OR1D2: variants seen among roughly 807,000 people sequenced by gnomAD.
OR1D2 encodes olfactory receptor 1D2.
For synonymous variants in OR1D2, 157 were observed against 153.9 expected (o/e 1.02, Z -0.15); for missense variants, 357 against 376.1 (o/e 0.95, Z 0.42).
intron 1 of OR1D2, among the ~76,000 whole-genome samples, chr17:3,099,440 A>G (rs960258696): frequency 1.3e-5 from 2 of 152,188 alleles, no homozygotes; most frequent in African/African-American, 4.8e-5. Flanking sequence ...TTCATAAGTG[A>G]AGGAGAAATA....
Position 3,092,836 on chromosome 17 carries a change from C to T in OR1D2, c.161G>A (p.Arg54His), listed in dbSNP as rs139391156. The T allele has an allele frequency of 2.7e-5, 44 of 1,613,846 alleles. 1 individual carries two copies. The highest frequency in any genetic ancestry group is 1.7e-4 in the Admixed American group (10 of 59,980). ...LIILAISSDS[R>H]LHTPVYFFLA... ...GAAGAAGTACACGGGGGTGTGCAGG[C>T]GGGAATCAGAGCTGATGGCCAGGAT... The change falls in exon 2 of 2, where the codon CGC (arginine) becomes CAC (histidine). Residue 54 changes from arginine to histidine, a missense_variant. Physicochemically the swap from Arg to His is conservative, Grantham distance 29. Coordinates refer to ENST00000641833, the MANE Select transcript of OR1D2 (RefSeq NM_002548.3).
chr17:3,095,468 A>G (rs772798481), intron 1 of OR1D2, among the ~76,000 whole-genome samples: 8 of 152,186 alleles, frequency 5.3e-5, no homozygotes, highest in Non-Finnish European at 1.0e-4. Context: ...ACAAAAACAC[A>G]GAAAATTTTT....
At chr17:3,099,936 GCATTA>G (rs1043094620) in intron 1 of OR1D2, among the ~76,000 whole-genome samples, 56 of 152,166 alleles carry the variant, frequency 3.7e-4, no homozygotes, top group African/African-American at 1.3e-3. Context: ...AAAGGCAAGG[GCATTA>G]CATAATGGTA....
intron 1 of OR1D2, among the ~76,000 whole-genome samples, chr17:3,094,843 A>C (rs1037600233): frequency 1.3e-5 from 2 of 152,202 alleles, no homozygotes; most frequent in Non-Finnish European, 2.9e-5. Flanking sequence ...AAGAGAGCCA[A>C]ATGGAAATCC....
intron 1 of OR1D2, among the ~76,000 whole-genome samples, chr17:3,101,526 A>G (rs539750751): frequency 1.3e-5 from 2 of 152,266 alleles, no homozygotes; most frequent in South Asian, 4.1e-4. Flanking sequence ...CGTATCTCAA[A>G]ATAAGAGCTA....
intron 1 of OR1D2, among the ~76,000 whole-genome samples, chr17:3,100,875 C>T (rs2047872124): frequency 6.6e-6 from 1 of 152,116 alleles, no homozygotes. Flanking sequence ...AAACTACTAT[C>T]AGAGAATACT....
In OR1D2 at chr17:3,100,558, C is replaced by G. The variant is rs189325027; in HGVS notation, c.-51+3541G>C. Among the ~76,000 whole-genome samples, 7 of 152,128 alleles carry G rather than the reference C, an allele frequency of 4.6e-5. No individual in the cohort carries two copies. The East Asian group carries it at 1.4e-3, about 29-fold the overall frequency. On this transcript the variant is annotated intron_variant, in intron 1 of 1. Transcript: ENST00000641833. ...GAGGGAAATTTATAGCACTAAATGC[C>G]CACATCAGAAAGCTAGAAAGATCTC...
intron 1 of OR1D2, among the ~76,000 whole-genome samples, chr17:3,095,689 T>A (rs1165971991): frequency 6.6e-6 from 1 of 151,942 alleles, no homozygotes; most frequent in Non-Finnish European, 1.5e-5. Flanking sequence ...CTATTAAGTA[T>A]GACAGTATAA....
At chr17:3,094,958 C>T (rs999498880) in intron 1 of OR1D2, among the ~76,000 whole-genome samples, 5 of 151,708 alleles carry the variant, frequency 3.3e-5, no homozygotes, top group East Asian at 1.9e-4. Context: ...AGATTGATAT[C>T]AAGCTGAAAA....
chr17:3,099,376 A>G (rs905621843), intron 1 of OR1D2, among the ~76,000 whole-genome samples: 2 of 152,212 alleles, frequency 1.3e-5, no homozygotes, highest in South Asian at 2.1e-4. Context: ...AATATTCAAC[A>G]TTCTGAAAGA....
chr17:3,091,969 T>C lies in OR1D2; in HGVS notation c.*89A>G. On this transcript the variant is annotated 3_prime_UTR_variant, in exon 2 of 2. Coordinates refer to ENST00000641833, the MANE Select transcript of OR1D2 (RefSeq NM_002548.3). Reference sequence around the variant, plus strand: ...TCTCTGAGCTGGAGCCATGTCCCAATCACTGCTGTATAACACACAGGACAA... The same window carrying C: ...TCTCTGAGCTGGAGCCATGTCCCAACCACTGCTGTATAACACACAGGACAA... 5.2e-6 allele frequency: 5 copies of C among 965,598 alleles called. No individual in the cohort carries two copies. The highest frequency in any genetic ancestry group is 7.9e-6 in the Non-Finnish European group (5 of 632,452). The allele number at this position is 965,598 out of a possible 1,614,324, so 59.8% of individuals were successfully genotyped here. A position where few individuals can be genotyped will look rare whatever the true frequency, so the allele number is the denominator to read the frequency against.
chr17:3,104,080 G>A lies in OR1D2; in HGVS notation c.-51+19C>T, dbSNP rs2047886264. The A allele has an allele frequency of 6.6e-6, 1 of 152,280 alleles. No homozygotes were observed. The highest frequency in any genetic ancestry group is 1.5e-5 in the Non-Finnish European group (1 of 68,122). 9.4% of individuals were successfully genotyped at this position (152,280 alleles called of 1,614,324 possible). ...AAGAGAGAAGAGGGAGAAAGAGCAT[G>A]AGGCTGAGATGTACAGACCTTACCC... On this transcript the variant is annotated intron_variant, in intron 1 of 1. Transcript: ENST00000641833.
intron 1 of OR1D2, 40 bp from the exon 2 acceptor site, chr17:3,093,086 T>C: frequency 8.1e-7 from 1 of 1,230,108 alleles, no homozygotes; most frequent in Non-Finnish European, 1.1e-6. Context: ...AAAATCAACA[T>C]TTTCTTAGAA....
rs1349782614 is a variant in OR1D2, at chr17:3,089,530, T to C, written c.*2528A>G. 4 of 152,308 alleles carry C rather than the reference T, an allele frequency of 2.6e-5. No individual in the cohort carries two copies. 9.4% of individuals were successfully genotyped at this position (152,308 alleles called of 1,614,324 possible). On this transcript the variant is annotated 3_prime_UTR_variant, in exon 2 of 2. Transcript: ENST00000641833. ...ACCAGCTGTGGTAGCATAGGGGGGA[T>C]ACAAACTTGCCCTAAGGTGGCCTGG...
intron 1 of OR1D2, among the ~76,000 whole-genome samples, chr17:3,094,412 A>T (rs1161284790): frequency 6.7e-6 from 1 of 149,880 alleles, no homozygotes; most frequent in Admixed American, 6.6e-5. Context: ...GTAAAAATAT[A>T]AAAAAATGTA....
chr17:3,089,066 TA>T lies in OR1D2; in HGVS notation c.*2991del, dbSNP rs1229018755. Reference sequence around the variant, plus strand: ...GGTGTTAAAGAACCTTGTTTTGTCATATTACCAGATTTGTTTTTCTGGTTCC... The same window carrying T: ...GGTGTTAAAGAACCTTGTTTTGTCATTTACCAGATTTGTTTTTCTGGTTCC... On this transcript the variant is annotated 3_prime_UTR_variant, in exon 2 of 2. Coordinates refer to ENST00000641833, the MANE Select transcript of OR1D2 (RefSeq NM_002548.3). 6.6e-6 allele frequency: 1 copy of T among 152,190 alleles called. No individual in the cohort carries two copies. The highest frequency in any genetic ancestry group is 1.5e-5 in the Non-Finnish European group (1 of 68,040). The allele number at this position is 152,190 out of a possible 1,614,324, so 9.4% of individuals were successfully genotyped here. A position where few individuals can be genotyped will look rare whatever the true frequency, so the allele number is the denominator to read the frequency against.
At position 3,092,879 on chromosome 17, in the gene OR1D2, C is replaced by G. The variant is rs140099014; in HGVS notation, c.118G>C (p.Val40Leu). 3.6e-4 allele frequency: 574 copies of G among 1,614,092 alleles called. 2 individuals carry two copies. The highest frequency in any genetic ancestry group is 1.1e-3 in the South Asian group (102 of 91,074). Reference sequence around the variant, plus strand: ...GCCAGGATGATGAGCACATTTCCCACCACCGTGACCAGGTACATGGACAGG... The same window carrying G: ...GCCAGGATGATGAGCACATTTCCCAGCACCGTGACCAGGTACATGGACAGG... Reference protein sequence around the residue: ...MFLSMYLVTVVGNVLIILAIS... With the variant: ...MFLSMYLVTVLGNVLIILAIS... Residue 40 changes from valine to leucine, a missense_variant, in exon 2 of 2, where the codon GTG (valine) becomes CTG (leucine). Val to Leu is a conservative substitution (Grantham distance 32). Coordinates refer to ENST00000641833, the MANE Select transcript of OR1D2 (RefSeq NM_002548.3).
chr17:3,097,478 G>A (rs926985677), intron 1 of OR1D2, among the ~76,000 whole-genome samples: 2 of 152,122 alleles, frequency 1.3e-5, no homozygotes, highest in Admixed American at 6.5e-5. Flanking sequence ...GCCAAGGGAG[G>A]TGGTGAGTGA....
At position 3,092,108 on chromosome 17, in the gene OR1D2, G is replaced by C. The variant is rs1361736425; in HGVS notation, c.889C>G (p.His297Asp). 5.0e-6 allele frequency: 8 copies of C among 1,613,910 alleles called. No individual in the cohort carries two copies. The Admixed American group carries it at 1.3e-4, about 27-fold the overall frequency. Residue 297 changes from histidine to aspartate, a missense_variant, in exon 2 of 2, where the codon CAT (histidine) becomes GAT (aspartate). His to Asp is a moderately conservative substitution (Grantham distance 81). Coordinates refer to ENST00000641833, the MANE Select transcript of OR1D2 (RefSeq NM_002548.3). Reference sequence around the variant, plus strand: ...TCTAGGAGTCTTCCCAGAGCCCCATGCATGTCCTTGTTCCTCAGGCTGTAG... The same window carrying C: ...TCTAGGAGTCTTCCCAGAGCCCCATCCATGTCCTTGTTCCTCAGGCTGTAG... ...FIYSLRNKDM[H>D]GALGRLLDKH...
Sources: gnomAD v4.1 joint callset for allele counts (sites outside exome capture counted in the v4.1 genomes callset) on GRCh38, gnomAD v4.1.1 for gene constraint, MANE v1.5 for transcripts, NCBI Gene and HGNC (gene_info 2026-07-23, HGNC 2026-07-21) for gene names.